Variants in ATCAY observed in about 807,000 individuals in gnomAD.
ATCAY encodes the protein caytaxin.
In ATCAY, 22 loss-of-function variants were observed where a neutral mutation model predicts 47.7. That is an observed-to-expected ratio of 0.46 (90% confidence interval 0.33 to 0.66). The LOEUF (loss-of-function observed/expected upper bound fraction) is 0.66, where lower values mean the gene tolerates loss of function less well. ATCAY is among the 30% of genes least tolerant of loss of function. The pLI is 0.02. For synonymous variants in ATCAY, 216 were observed against 207.6 expected, an observed-to-expected ratio of 1.04 and a Z score of -0.35; for missense variants, 452 against 515.0, an observed-to-expected ratio of 0.88 and a Z score of 1.18.
In ATCAY at chr19:3,905,612, C is replaced by T; in HGVS notation, c.315C>T (p.Asp105=). ...ACATCGAGACCCCCGATGAGACCGA[C>T]TCGCTGGAGTTCCTGGGGAATGGCA... ...VDDIETPDET[D]SLEFLGNGNE... Residue 105 remains aspartate (D), a synonymous_variant, in exon 4 of 13, where the codon GAC becomes GAT. Coordinates refer to ENST00000450849, the MANE Select transcript of ATCAY (RefSeq NM_033064.5). 6.2e-7 allele frequency: 1 copy of T among 1,613,776 alleles called. No homozygotes were observed. Among genetic ancestry groups the T allele is most frequent in the Non-Finnish European group, 8.5e-7 (1 of 1,179,856 alleles).
intron 10 of ATCAY, among the ~76,000 whole-genome samples, 185 bp downstream of exon 10, chr19:3,917,962 T>C (rs2038980453): frequency 6.6e-6 from 1 of 152,134 alleles, no homozygotes; most frequent in African/African-American, 2.4e-5. Context: ...GCTCCCGCAT[T>C]GAGCTGCAAG....
At chr19:3,920,900 C>A in intron 12 of ATCAY, 102 bp downstream of exon 12, 1 of 1,394,790 alleles carries the variant, frequency 7.2e-7, no homozygotes, top group Non-Finnish European at 1.0e-6. Flanking sequence ...AAACCAGCTG[C>A]CAGCAAATAT....
At chr19:3,898,676 G>GTTGTTTGT (rs746138288) in intron 2 of ATCAY, among the ~76,000 whole-genome samples, 1 of 151,950 alleles carries the variant, frequency 6.6e-6, no homozygotes, top group Admixed American at 6.6e-5. Context: ...ATGGACTGGT[G>GTTGTTTGT]TTGTTTGTTT....
Position 3,918,795 on chromosome 19 carries a change from T to C in ATCAY, c.1002-11T>C. ...TAGTCACCCTTGTCACCTCGTTCTC[T>C]CTGTCCACAGCGCGAGGCCCCAGCC... On this transcript the variant is annotated splice_polypyrimidine_tract_variant and intron_variant, in intron 10 of 12. Coordinates refer to ENST00000450849, the MANE Select transcript of ATCAY (RefSeq NM_033064.5). 6.2e-7 allele frequency: 1 copy of C among 1,613,866 alleles called. No homozygotes were observed. The highest frequency in any genetic ancestry group is 8.5e-7 in the Non-Finnish European group (1 of 1,179,800).
rs370680121 is a variant in ATCAY at position 3,913,848 on chromosome 19, C to T, written c.957C>T (p.Cys319=). Residue 319 remains cysteine, a synonymous_variant, in exon 9 of 13, where the codon TGC becomes TGT. Coordinates refer to ENST00000450849, the MANE Select transcript of ATCAY (RefSeq NM_033064.5). ...TGGAACACGTCCAGATCCCAGACTG[C>T]GTCCTGCAGTGAGTGGCCCCACAGT... ...IPMEHVQIPD[C]VLQYEEERLK... 48 of 1,612,776 alleles carry T rather than the reference C, an allele frequency of 3.0e-5. No homozygotes were observed. Among genetic ancestry groups the T allele is most frequent in the African/African-American group, 1.2e-4 (9 of 74,986 alleles).
At chr19:3,895,422 C>A (rs1008135239) in intron 2 of ATCAY, among the ~76,000 whole-genome samples, 1 of 152,112 alleles carries the variant, frequency 6.6e-6, no homozygotes, top group African/African-American at 2.4e-5. Context: ...ACCACGTTGG[C>A]CAGGCTGGTC....
intron 7 of ATCAY, 128 bp from the exon 8 acceptor site, chr19:3,910,675 C>T (rs1452450813): frequency 2.2e-6 from 2 of 891,170 alleles, no homozygotes; most frequent in African/African-American, 1.6e-5. Context: ...TTGACAGGTA[C>T]CTGGAGACCA....
At chr19:3,896,842 T>C (rs1471424911) in intron 2 of ATCAY, among the ~76,000 whole-genome samples, 1 of 151,904 alleles carries the variant, frequency 6.6e-6, no homozygotes, top group African/African-American at 2.4e-5. Flanking sequence ...AGTGTCACGA[T>C]CTCGGCTCAC....
rs547505616 is a variant in ATCAY at position 3,915,103 on chromosome 19, A to AT, written c.965+1254dup. 9.4e-4 allele frequency among the ~76,000 whole-genome samples: 143 copies of AT among 152,172 alleles called. 2 individuals carry two copies. Among genetic ancestry groups the AT allele is most frequent in the African/African-American group, 3.3e-3 (138 of 41,530 alleles). ...GCTGCAAAAATCTCCTTAAACGTAC[A>AT]TTTTTTTATTGTGGTAAAATACACG... On this transcript the variant is annotated intron_variant, in intron 9 of 12. Transcript: ENST00000450849.
Position 3,924,855 on chromosome 19 carries a change from A to C in ATCAY, c.*263A>C. On this transcript the variant is annotated 3_prime_UTR_variant, in exon 13 of 13. Coordinates refer to ENST00000450849, the MANE Select transcript of ATCAY (RefSeq NM_033064.5). ...GCCCCTCACCCTTCCACACTCACGA[A>C]CTCTCAGCCGAGGAAGGCAAGAAGC... 2 of 452,768 alleles carry C rather than the reference A, an allele frequency of 4.4e-6. No individual in the cohort carries two copies. The highest frequency in any genetic ancestry group is 4.0e-6 in the Non-Finnish European group (1 of 251,580). 28.0% of individuals were successfully genotyped at this position (452,768 alleles called of 1,614,324 possible). A position where few individuals can be genotyped will look rare whatever the true frequency, so the allele number is the denominator to read the frequency against.
chr19:3,910,864 C>G lies in ATCAY; in HGVS notation c.841C>G (p.Leu281Val). The change falls in exon 8 of 13, where the codon CTG (leucine) becomes GTG (valine). Residue 281 changes from leucine (L) to valine (V), a missense_variant. Leu to Val is a conservative substitution (Grantham distance 32, BLOSUM62 1). Transcript: ENST00000450849. ...CCCCTCGTGGTTCATTCGGACTGTGCTGGCCATCTCTCGCCCTTTCATCAG... is the reference window on the plus strand; with the variant it reads ...CCCCTCGTGGTTCATTCGGACTGTGGTGGCCATCTCTCGCCCTTTCATCAG... Reference protein sequence around the residue: ...VHPSWFIRTVLAISRPFISVK... With the variant: ...VHPSWFIRTVVAISRPFISVK... The G allele has an allele frequency of 6.2e-7, 1 of 1,614,034 alleles. No homozygotes were observed. Among genetic ancestry groups the G allele is most frequent in the Non-Finnish European group, 8.5e-7 (1 of 1,179,898 alleles).
At chr19:3,921,236 C>T (rs935740220) in intron 12 of ATCAY, among the ~76,000 whole-genome samples, 6 of 151,590 alleles carry the variant, frequency 4.0e-5, no homozygotes, top group African/African-American at 7.3e-5. Context: ...TGTGGCCGGG[C>T]GCAGCGTCTC....
intron 2 of ATCAY, among the ~76,000 whole-genome samples, chr19:3,899,567 G>A (rs1458084720): frequency 6.6e-6 from 1 of 151,878 alleles, no homozygotes. Flanking sequence ...CGCCCGCCTC[G>A]GCCTCCCTAA....
chr19:3,908,489 G>T, intron 6 of ATCAY, 119 bp downstream of exon 6: 1 of 941,422 alleles, frequency 1.1e-6, no homozygotes, highest in South Asian at 1.5e-5. Flanking sequence ...CACCAGGGAA[G>T]GGCGTGGTGG....
chr19:3,924,628 T>C lies in ATCAY; in HGVS notation c.*36T>C. ...GCATAACAAAGGACATGGAAGAAGATTCCAGATGCCAGAAAACCTCTGTCA... is the reference window on the plus strand; with the variant it reads ...GCATAACAAAGGACATGGAAGAAGACTCCAGATGCCAGAAAACCTCTGTCA... On this transcript the variant is annotated 3_prime_UTR_variant, in exon 13 of 13. Coordinates refer to ENST00000450849, the MANE Select transcript of ATCAY (RefSeq NM_033064.5). The C allele has an allele frequency of 6.2e-7, 1 of 1,612,800 alleles. No homozygotes were observed. The highest frequency in any genetic ancestry group is 8.5e-7 in the Non-Finnish European group (1 of 1,179,200).
chr19:3,919,132 G>GC (rs1479747760), intron 11 of ATCAY, among the ~76,000 whole-genome samples: 15 of 151,614 alleles, frequency 9.9e-5, no homozygotes, highest in African/African-American at 3.6e-4. Context: ...ACAAAAATTA[G>GC]CTGGACATGG....
intron 2 of ATCAY, among the ~76,000 whole-genome samples, chr19:3,890,694 G>T (rs1453755612): frequency 6.6e-6 from 1 of 152,202 alleles, no homozygotes; most frequent in Non-Finnish European, 1.5e-5. Flanking sequence ...CGGGAGGAGG[G>T]TGTGTTTCTG....
chr19:3,907,986 C>T lies in ATCAY; in HGVS notation c.544+67C>T. 1 of 1,540,924 alleles carries T rather than the reference C, an allele frequency of 6.5e-7. No homozygotes were observed. On this transcript the variant is annotated intron_variant, in intron 5 of 12. Transcript: ENST00000450849. This position sits in a 1 kb window ranked among gnomAD's most constrained non-coding sequence, Gnocchi z 5.1. ...GCCCACTGGGCAACAGGGGGTTCGTCAGTGCCCCTCTCTGATGCACGGGGA... is the reference window on the plus strand; with the variant it reads ...GCCCACTGGGCAACAGGGGGTTCGTTAGTGCCCCTCTCTGATGCACGGGGA...
chr19:3,886,618 T>A (rs2038658950), intron 2 of ATCAY, among the ~76,000 whole-genome samples: 1 of 147,596 alleles, frequency 6.8e-6, no homozygotes. Context: ...TAGCTGGGTA[T>A]GGTGTCATGC....
Sources: gnomAD v4.1 joint callset for allele counts (sites outside exome capture counted in the v4.1 genomes callset) on GRCh38, gnomAD v4.1.1 for gene constraint, Gnocchi (gnomAD v3.1) non-coding constraint, MANE v1.5 for transcripts, NCBI Gene and HGNC (gene_info 2026-07-23, HGNC 2026-07-21) for gene names.